CERK: variants seen among roughly 807,000 people sequenced by gnomAD.
CERK encodes acylsphingosine kinase.
CERK carries 39 observed loss-of-function variants against 63.4 expected under a neutral mutation model. That is an observed-to-expected ratio of 0.61 (90% CI 0.48 to 0.80). The LOEUF is 0.80. Ranked by LOEUF, CERK falls within the 30% of genes least tolerant of loss-of-function variation. CERK has a pLI of 0.00. For missense variants in CERK, 670 were observed against 714.1 expected (o/e 0.94, Z 0.70); for synonymous variants, 302 against 280.0 (o/e 1.08, Z -0.78).
rs537600284 is a variant in CERK at position 46,706,798 on chromosome 22, C to A, written c.715+1045G>T. On this transcript the variant is annotated intron_variant, in intron 6 of 12. Coordinates refer to ENST00000216264, the MANE Select transcript of CERK (RefSeq NM_022766.6). ...AATCCCCCTAAAATGAGTCTTGATA[C>A]TGAAAACACCCGCAATGTCACCATC... is the stretch of plus-strand genomic sequence containing the variant. Among the ~76,000 whole-genome samples, 275 of 152,298 alleles carry A rather than the reference C, an allele frequency of 1.8e-3. 1 individual carries two copies. The highest frequency in any genetic ancestry group is 3.2e-3 in the Non-Finnish European group (219 of 68,026).
chr22:46,734,055 T>TATAC (rs950757909), intron 1 of CERK, among the ~76,000 whole-genome samples: 7 of 120,780 alleles, frequency 5.8e-5, no homozygotes, highest in African/African-American at 2.1e-4. Flanking sequence ...ATATGTTATA[T>TATAC]ATACATACAT....
intron 3 of CERK, among the ~76,000 whole-genome samples, chr22:46,712,561 G>A (rs2082846852): frequency 6.6e-6 from 1 of 152,196 alleles, no homozygotes; most frequent in Admixed American, 6.5e-5. Flanking sequence ...ACTGAGAAGG[G>A]CTCTCTCTGC....
In CERK at chr22:46,691,657, C is replaced by A; in HGVS notation, c.1247G>T (p.Gly416Val). 2 of 1,614,002 alleles carry A rather than the reference C, an allele frequency of 1.2e-6. No individual in the cohort carries two copies. The highest frequency in any genetic ancestry group is 1.7e-6 in the Non-Finnish European group (2 of 1,180,018). The change falls in exon 11 of 13, where the codon GGG becomes GTG. Residue 416 changes from glycine (G) to valine (V), a missense_variant. Transcript: ENST00000216264. ...GLSPAAHLGD[G>V]SSDLILIRKC... is the part of the protein sequence containing the mutation. ...CCGGATGAGGATGAGGTCAGAAGAC[C>A]CGTCTCCCAAGTGGGCAGCCGGGGA...
chr22:46,720,657 T>G (rs897540357), intron 2 of CERK, among the ~76,000 whole-genome samples: 1 of 152,054 alleles, frequency 6.6e-6, no homozygotes, highest in African/African-American at 2.4e-5. Flanking sequence ...ACCGCGCCAC[T>G]GCACTTCAGC....
chr22:46,699,607 T>TTC (rs770445062), intron 7 of CERK, 142 bp from the exon 8 acceptor site: 5 of 711,904 alleles, frequency 7.0e-6, no homozygotes, highest in Non-Finnish European at 1.2e-5. Context: ...AGTGCAAGGA[T>TTC]TCTCTCTCTT....
intron 6 of CERK, among the ~76,000 whole-genome samples, chr22:46,702,042 G>C (rs945808645): frequency 6.6e-6 from 1 of 151,820 alleles, no homozygotes; most frequent in Non-Finnish European, 1.5e-5. Context: ...TTAGCCAGGC[G>C]TGGTGGCATG....
At chr22:46,729,444 TG>T (rs1220362466) in intron 1 of CERK, among the ~76,000 whole-genome samples, 3 of 152,170 alleles carry the variant, frequency 2.0e-5, no homozygotes, top group African/African-American at 7.2e-5. Flanking sequence ...GGTCTTGCTC[TG>T]TCACTCAGGA....
At chr22:46,737,519 C>T (rs1372551121) in intron 1 of CERK, among the ~76,000 whole-genome samples, 2 of 152,214 alleles carry the variant, frequency 1.3e-5, no homozygotes, top group East Asian at 3.9e-4. Context: ...GTCAGGGGCC[C>T]CTTCTTTAAC....
intron 1 of CERK, among the ~76,000 whole-genome samples, chr22:46,724,434 T>A (rs2082907652): frequency 6.6e-6 from 1 of 152,170 alleles, no homozygotes; most frequent in Admixed American, 6.5e-5. Flanking sequence ...AGGGTCAATC[T>A]GCACTGGGTG....
chr22:46,704,824 C>CAAAA lies in CERK; in HGVS notation c.715+3015_715+3018dup, dbSNP rs11431926. On this transcript the variant is annotated intron_variant, in intron 6 of 12. Coordinates refer to ENST00000216264, the MANE Select transcript of CERK (RefSeq NM_022766.6). Reference sequence around the variant, plus strand: ...TGGGTGACAGAGCAAGACTCCATCTCAAAAAAAAAAAAAAAAAAAAGTGAC... The same window carrying CAAAA: ...TGGGTGACAGAGCAAGACTCCATCTCAAAAAAAAAAAAAAAAAAAAAAAAGTGAC... 5.5e-4 allele frequency among the ~76,000 whole-genome samples: 46 copies of CAAAA among 83,674 alleles called. 1 individual carries two copies. Among genetic ancestry groups the CAAAA allele is most frequent in the African/African-American group, 1.9e-3 (42 of 21,552 alleles). 54.9% of individuals were successfully genotyped at this position (83,674 alleles called of 152,430 possible).
intron 1 of CERK, among the ~76,000 whole-genome samples, chr22:46,723,248 C>T (rs1213016221): frequency 6.6e-6 from 1 of 152,178 alleles, no homozygotes; most frequent in African/African-American, 2.4e-5. Context: ...GAATTATTGT[C>T]TCTAAAAAGG....
rs1253384883 is a variant in CERK, at chr22:46,690,202, T to C, written c.1333-2A>G. On this transcript the variant is annotated splice_acceptor_variant, in intron 11 of 12. Transcript: ENST00000216264. LOFTEE classifies it high-confidence loss of function. ...AACTTCAACAAAAGTGAAGTCAAACTACCAAGAAACAGTGAGAGGGACCAT... is the reference window on the plus strand; with the variant it reads ...AACTTCAACAAAAGTGAAGTCAAACCACCAAGAAACAGTGAGAGGGACCAT... The C allele has an allele frequency of 1.2e-6, 2 of 1,613,226 alleles. No individual in the cohort carries two copies. Among genetic ancestry groups the C allele is most frequent in the Admixed American group, 3.3e-5 (2 of 59,986 alleles).
chr22:46,738,096 TG>T lies in CERK; in HGVS notation c.52del (p.Gln18SerfsTer6). The T allele has an allele frequency of 7.8e-7, 1 of 1,286,660 alleles. No homozygotes were observed. The highest frequency in any genetic ancestry group is 1.9e-5 in the South Asian group (1 of 53,674). The allele number at this position is 1,286,660 out of a possible 1,614,324, so 79.7% of individuals were successfully genotyped here. A position where few individuals can be genotyped will look rare whatever the true frequency, so the allele number is the denominator to read the frequency against. Reference sequence around the variant, plus strand: ...CTCCAGGCTCACGGCGCAGCGCTGCTGCTTCACCCACAGCACGGATTGCAGC... The same window carrying T: ...CTCCAGGCTCACGGCGCAGCGCTGCTCTTCACCCACAGCACGGATTGCAGC... ...EPLQSVLWVKQQRCAVSLEPA... is the reference protein window; with the variant it reads ...EPLQSVLWVKXQRCAVSLEPA... On this transcript the variant is annotated frameshift_variant, in exon 1 of 13. Transcript: ENST00000216264. LOFTEE classifies it high-confidence loss of function.
At chr22:46,690,626 G>C (rs2082725691) in intron 11 of CERK, among the ~76,000 whole-genome samples, 1 of 152,148 alleles carries the variant, frequency 6.6e-6, no homozygotes, top group Non-Finnish European at 1.5e-5. Flanking sequence ...AATAGCATTA[G>C]ACTAGATCTT....
intron 1 of CERK, chr22:46,735,238 G>T (rs561516684): frequency 6.6e-6 from 1 of 152,194 alleles, no homozygotes; most frequent in African/African-American, 2.4e-5. Context: ...TCCTGTTTTC[G>T]TCCTGCCCTA....
intron 12 of CERK, among the ~76,000 whole-genome samples, chr22:46,688,485 C>T (rs993028066): frequency 2.0e-5 from 3 of 152,250 alleles, no homozygotes; most frequent in Non-Finnish European, 2.9e-5. Flanking sequence ...TGGGACCTTT[C>T]GACAGCCTCT....
At chr22:46,702,274 T>C (rs554170447) in intron 6 of CERK, among the ~76,000 whole-genome samples, 2 of 144,292 alleles carry the variant, frequency 1.4e-5, no homozygotes, top group Admixed American at 1.4e-4. Context: ...TGTGAACATT[T>C]ACAATTATAG....
At chr22:46,687,259 G>A (rs989759812) in intron 12 of CERK, 53 bp from the exon 13 acceptor site, 4 of 1,479,692 alleles carry the variant, frequency 2.7e-6, no homozygotes, top group Non-Finnish European at 2.8e-6. Context: ...ACTCAAAGCT[G>A]GCCTGAGCCC....
Position 46,701,649 on chromosome 22 carries a change from C to G in CERK, c.777G>C (p.Leu259=). 6 of 1,558,062 alleles carry G rather than the reference C, an allele frequency of 3.9e-6. No individual in the cohort carries two copies. Among genetic ancestry groups the G allele is most frequent in the Non-Finnish European group, 5.2e-6 (6 of 1,150,818 alleles). ...VGTSDAETSA[L]HIVVGDSLAM... is the part of the protein sequence containing the mutation. Reference sequence around the variant, plus strand: ...GGAGGGGCTCACCAACAACGATATGCAGCGCCGAGGTTTCTGCGTCGCTGG... The same window carrying G: ...GGAGGGGCTCACCAACAACGATATGGAGCGCCGAGGTTTCTGCGTCGCTGG... Residue 259 remains leucine, a synonymous_variant, in exon 7 of 13, where the codon CTG becomes CTC. Coordinates refer to ENST00000216264, the MANE Select transcript of CERK (RefSeq NM_022766.6).
Sources: allele counts gnomAD v4.1 joint callset (sites outside exome capture counted in the v4.1 genomes callset), GRCh38; gene constraint gnomAD v4.1.1; transcripts MANE v1.5; gene names NCBI Gene and HGNC (gene_info 2026-07-23, HGNC 2026-07-21).